PDE6B: variants seen among roughly 807,000 people sequenced by gnomAD.
The protein encoded by PDE6B is phosphodiesterase 6B, also known as rod cGMP-specific 3',5'-cyclic phosphodiesterase subunit beta.
In PDE6B, 106 loss-of-function variants were observed where a neutral mutation model predicts 109.0. The observed-to-expected ratio is 0.97, with a 90% confidence interval of 0.83 to 1.14. PDE6B has a LOEUF of 1.14. PDE6B is among the 50% of genes most tolerant of loss of function. The pLI is 0.00. For missense variants in PDE6B, 1,193 were observed against 1,155.6 expected, an observed-to-expected ratio of 1.03 and a Z score of -0.47; for synonymous variants, 490 against 471.3, an observed-to-expected ratio of 1.04 and a Z score of -0.51.
At position 662,021 on chromosome 4, in the gene PDE6B, T is replaced by C; in HGVS notation, c.1615-113T>C. ...GAAGATCGGGAAGTCCAGGAGACGG[T>C]GTGGGGATGATGGCACGGAGCAGGG... On this transcript the variant is annotated intron_variant, in intron 12 of 21. Transcript: ENST00000496514. This position sits in a 1 kb window ranked among gnomAD's most constrained non-coding sequence, Gnocchi z 4.3. 1 of 703,834 alleles carries C rather than the reference T, an allele frequency of 1.4e-6. No homozygotes were observed. Among genetic ancestry groups the C allele is most frequent in the South Asian group, 1.5e-5 (1 of 66,850 alleles). The allele number at this position is 703,834 out of a possible 1,614,324, so 43.6% of individuals were successfully genotyped here. A position where few individuals can be genotyped will look rare whatever the true frequency, so the allele number is the denominator to read the frequency against.
intron 1 of PDE6B, among the ~76,000 whole-genome samples, 162 bp from the exon 2 acceptor site, chr4:634,515 C>T (rs1393638258): frequency 2.6e-5 from 4 of 152,158 alleles, no homozygotes; most frequent in African/African-American, 9.7e-5. Flanking sequence ...ACAGGCCCAG[C>T]TTTCACCGCC....
intron 3 of PDE6B, among the ~76,000 whole-genome samples, chr4:649,353 T>G (rs1735377454): frequency 6.6e-6 from 1 of 152,142 alleles, no homozygotes. Flanking sequence ...TGAAGCCCTC[T>G]GCCCTGATGC....
chr4:663,671 C>T lies in PDE6B; in HGVS notation c.1921-99C>T. 3 of 837,682 alleles carry T rather than the reference C, an allele frequency of 3.6e-6. No individual in the cohort carries two copies. Among genetic ancestry groups the T allele is most frequent in the Non-Finnish European group, 6.1e-6 (3 of 491,654 alleles). The allele number at this position is 837,682 out of a possible 1,614,324, so 51.9% of individuals were successfully genotyped here. On this transcript the variant is annotated intron_variant, in intron 15 of 21. Coordinates refer to ENST00000496514, the MANE Select transcript of PDE6B (RefSeq NM_000283.4). The surrounding 1 kb of genome is among the most constrained non-coding windows in gnomAD (Gnocchi z 4.0). ...CCCACCGAGGGCCCGAGGGCGGGGG[C>T]GTGAGAGGCACAGGCAGCCGAGGCG...
chr4:655,315 C>T, intron 6 of PDE6B: 1 of 298,420 alleles, frequency 3.4e-6, no homozygotes, highest in South Asian at 3.4e-5. Context: ...AGGGGAACTC[C>T]AGTCCGGAGG....
Position 648,992 on chromosome 4 carries a change from G to T in PDE6B, c.712-4860G>T, listed in dbSNP as rs567068508. On this transcript the variant is annotated intron_variant, in intron 3 of 21. Coordinates refer to ENST00000496514, the MANE Select transcript of PDE6B (RefSeq NM_000283.4). The surrounding 1 kb of genome is among the most constrained non-coding windows in gnomAD (Gnocchi z 4.5). Reference sequence around the variant, plus strand: ...AGTGAGAGGCGGCCAGGAGGGGCGGGCGTGGTCTGTCCACACCGGGCAGTG... The same window carrying T: ...AGTGAGAGGCGGCCAGGAGGGGCGGTCGTGGTCTGTCCACACCGGGCAGTG... Among the ~76,000 whole-genome samples the T allele has an allele frequency of 6.6e-6, 1 of 152,214 alleles. No homozygotes were observed. Among genetic ancestry groups the T allele is most frequent in the Non-Finnish European group, 1.5e-5 (1 of 68,044 alleles).
In PDE6B at chr4:626,698, C is replaced by T. The variant is rs550308185; in HGVS notation, c.468+604C>T. 6.6e-6 allele frequency among the ~76,000 whole-genome samples: 1 copy of T among 152,268 alleles called. No individual in the cohort carries two copies. The highest frequency in any genetic ancestry group is 2.1e-4 in the South Asian group (1 of 4,826). ...GGTCCAGGGTGGGACTGGGGAGGGACAAGAGACAGAATCGAGACAGGCTCA... is the reference window on the plus strand; with the variant it reads ...GGTCCAGGGTGGGACTGGGGAGGGATAAGAGACAGAATCGAGACAGGCTCA... On this transcript the variant is annotated intron_variant, in intron 1 of 21. Coordinates refer to ENST00000496514, the MANE Select transcript of PDE6B (RefSeq NM_000283.4). This position sits in a 1 kb window ranked among gnomAD's most constrained non-coding sequence, Gnocchi z 4.6.
chr4:634,522 C>T (rs1186469376), intron 1 of PDE6B, among the ~76,000 whole-genome samples, 155 bp from the exon 2 acceptor site: 4 of 152,158 alleles, frequency 2.6e-5, no homozygotes, highest in East Asian at 3.9e-4. Flanking sequence ...CAGCTTTCAC[C>T]GCCCGGTGGC....
At position 660,451 on chromosome 4, in the gene PDE6B, A is replaced by G; in HGVS notation, c.1468-16A>G. Reference sequence around the variant, plus strand: ...GTGGCAGGCCAACCTCCCTCAGCCCACAATCCCTCCCACAGAAGGAGGAGC... The same window carrying G: ...GTGGCAGGCCAACCTCCCTCAGCCCGCAATCCCTCCCACAGAAGGAGGAGC... On this transcript the variant is annotated splice_polypyrimidine_tract_variant and intron_variant, in intron 11 of 21. Coordinates refer to ENST00000496514, the MANE Select transcript of PDE6B (RefSeq NM_000283.4). 6.2e-7 allele frequency: 1 copy of G among 1,613,312 alleles called. No homozygotes were observed. Among genetic ancestry groups the G allele is most frequent in the Non-Finnish European group, 8.5e-7 (1 of 1,179,638 alleles).
rs748487676 is a variant in PDE6B at position 663,147 on chromosome 4, G to A, written c.1880G>A (p.Arg627Gln). 1.9e-6 allele frequency: 3 copies of A among 1,611,890 alleles called. No homozygotes were observed. The highest frequency in any genetic ancestry group is 1.1e-5 in the South Asian group (1 of 91,050). ...AKLHGSSILE[R>Q]HHLEFGKFLL... The stretch of plus-strand genomic sequence containing the variant: ...CTCCACGGCTCCTCGATTTTGGAGC[G>A]GCACCACCTGGAGTTTGGGAAGTTC... The change falls in exon 15 of 22, where the codon CGG (arginine) becomes CAG (glutamine). Residue 627 changes from arginine (R) to glutamine (Q), a missense_variant. Transcript: ENST00000496514. This position sits in a 1 kb window ranked among gnomAD's most constrained non-coding sequence, Gnocchi z 4.0.
In PDE6B at chr4:666,762, T is replaced by A; in HGVS notation, c.2352+148T>A. 1 of 684,894 alleles carries A rather than the reference T, an allele frequency of 1.5e-6. No homozygotes were observed. Among genetic ancestry groups the A allele is most frequent in the East Asian group, 2.8e-5 (1 of 36,086 alleles). 42.4% of individuals were successfully genotyped at this position (684,894 alleles called of 1,614,324 possible). ...GCCAGTGCCAGCTTCGTGCCGCTCT[T>A]GAGTGGGGCAAATGGGGAGGAACAT... On this transcript the variant is annotated intron_variant, in intron 20 of 21. Coordinates refer to ENST00000496514, the MANE Select transcript of PDE6B (RefSeq NM_000283.4). The surrounding 1 kb of genome is among the most constrained non-coding windows in gnomAD (Gnocchi z 5.6).
chr4:627,771 C>T (rs1316817290), intron 1 of PDE6B, among the ~76,000 whole-genome samples: 1 of 151,870 alleles, frequency 6.6e-6, no homozygotes, highest in Non-Finnish European at 1.5e-5. Context: ...GACAACTTCT[C>T]ATCCCCACCC....
Position 665,876 on chromosome 4 carries a change from C to A in PDE6B, c.2268+547C>A, listed in dbSNP as rs959959052. Among the ~76,000 whole-genome samples the A allele has an allele frequency of 6.6e-6, 1 of 152,174 alleles. No homozygotes were observed. Among genetic ancestry groups the A allele is most frequent in the African/African-American group, 2.4e-5 (1 of 41,448 alleles). On this transcript the variant is annotated intron_variant, in intron 19 of 21. Transcript: ENST00000496514. The surrounding 1 kb of genome is among the most constrained non-coding windows in gnomAD (Gnocchi z 4.0). ...GGTGGGAGCTGTGGTTTCTCACACA[C>A]CCGCTCTGGTGGGCGGCGAGGGGCT... is the stretch of plus-strand genomic sequence containing the variant.
chr4:633,537 C>T lies in PDE6B; in HGVS notation c.469-1140C>T, dbSNP rs547394709. ...GGAGTTGCGAGGAGTCTGCCCTCTGCTGCTGCAGGGCCACCGTCCCTAGAA... is the reference window on the plus strand; with the variant it reads ...GGAGTTGCGAGGAGTCTGCCCTCTGTTGCTGCAGGGCCACCGTCCCTAGAA... On this transcript the variant is annotated intron_variant, in intron 1 of 21. Coordinates refer to ENST00000496514, the MANE Select transcript of PDE6B (RefSeq NM_000283.4). This position sits in a 1 kb window ranked among gnomAD's most constrained non-coding sequence, Gnocchi z 4.5. Among the ~76,000 whole-genome samples the T allele has an allele frequency of 1.3e-4, 20 of 152,280 alleles. No homozygotes were observed. Among genetic ancestry groups the T allele is most frequent in the African/African-American group, 4.8e-4 (20 of 41,558 alleles).
At chr4:632,955 G>A (rs1415368921) in intron 1 of PDE6B, among the ~76,000 whole-genome samples, 1 of 152,178 alleles carries the variant, frequency 6.6e-6, no homozygotes, top group Non-Finnish European at 1.5e-5. Flanking sequence ...CAAGGGATGG[G>A]TAAAAGGATG....
chr4:647,651 A>T (rs975493839), intron 3 of PDE6B, among the ~76,000 whole-genome samples: 1 of 151,730 alleles, frequency 6.6e-6, no homozygotes, highest in Non-Finnish European at 1.5e-5. Flanking sequence ...ACCTAACCCT[A>T]ATCATCCCCC....
rs1228212375 is a variant in PDE6B at position 665,427 on chromosome 4, G to A, written c.2268+98G>A. On this transcript the variant is annotated intron_variant, in intron 19 of 21. Transcript: ENST00000496514. This position sits in a 1 kb window ranked among gnomAD's most constrained non-coding sequence, Gnocchi z 4.0. ...AGGTCCTGGCTTGGTCTCAGGCAGG[G>A]GGTTCTGAGGTCGTGGGGTCCTTAT... 3.7e-6 allele frequency: 3 copies of A among 813,274 alleles called. No homozygotes were observed. The highest frequency in any genetic ancestry group is 6.4e-6 in the Non-Finnish European group (3 of 467,122). 50.4% of individuals were successfully genotyped at this position (813,274 alleles called of 1,614,324 possible).
rs577140751 is a variant in PDE6B at position 670,581 on chromosome 4, C to G, written c.*474C>G. ...GAAGCCAACTGTGAATAAACTGTAGCCTACATTACTCATCCATTTTTGGAT... is the reference window on the plus strand; with the variant it reads ...GAAGCCAACTGTGAATAAACTGTAGGCTACATTACTCATCCATTTTTGGAT... On this transcript the variant is annotated 3_prime_UTR_variant, in exon 22 of 22. Coordinates refer to ENST00000496514, the MANE Select transcript of PDE6B (RefSeq NM_000283.4). 1.3e-3 allele frequency: 253 copies of G among 202,254 alleles called. 1 individual carries two copies. The highest frequency in any genetic ancestry group is 5.7e-3 in the African/African-American group (239 of 42,264). The allele number at this position is 202,254 out of a possible 1,614,324, so 12.5% of individuals were successfully genotyped here.
intron 3 of PDE6B, chr4:651,906 G>C (rs978327766): frequency 3.3e-5 from 5 of 153,150 alleles, no homozygotes; most frequent in African/African-American, 9.7e-5. Flanking sequence ...AGGGACACGG[G>C]GGGTGGGACA....
Position 663,800 on chromosome 4 carries a change from CGGCAGCACGAGCACGTGATCCACCTGAT to C in PDE6B, c.1954_1981del (p.Gln652ThrfsTer52). 6.2e-7 allele frequency: 1 copy of C among 1,612,164 alleles called. No homozygotes were observed. Among genetic ancestry groups the C allele is most frequent in the Non-Finnish European group, 8.5e-7 (1 of 1,179,236 alleles). On this transcript the variant is annotated frameshift_variant, in exon 16 of 22. Coordinates refer to ENST00000496514, the MANE Select transcript of PDE6B (RefSeq NM_000283.4). LOFTEE classifies it high-confidence loss of function. The surrounding 1 kb of genome is among the most constrained non-coding windows in gnomAD (Gnocchi z 4.0). ...GAACATCTACCAGAACCTGAACCGG[CGGCAGCACGAGCACGTGATCCACCTGAT>C]GGACATCGCCATCATCGCCACGGAC...
Sources: gnomAD v4.1 joint callset for allele counts (sites outside exome capture counted in the v4.1 genomes callset) on GRCh38, gnomAD v4.1.1 for gene constraint, Gnocchi (gnomAD v3.1) non-coding constraint, MANE v1.5 for transcripts, NCBI Gene and HGNC (gene_info 2026-07-23, HGNC 2026-07-21) for gene names.